The following MATCAP2 variants were observed in gnomAD, a reference collection of about 807,000 sequenced individuals.
The protein encoded by MATCAP2 is putative tyrosine carboxypeptidase MATCAP2.
chr7:36,388,889 T>G, the MATCAP2 span, among the ~76,000 whole-genome samples: 17 of 152,336 alleles, frequency 1.1e-4, no homozygotes, highest in African/African-American at 3.8e-4. Context: ...AAATTGTGCA[T>G]GAACGCTTCA....
the MATCAP2 span, among the ~76,000 whole-genome samples, chr7:36,370,806 G>T: frequency 6.6e-6 from 1 of 152,110 alleles, no homozygotes; most frequent in Non-Finnish European, 1.5e-5. Flanking sequence ...AATAATTTAT[G>T]TTTATCTTTA....
chr7:36,380,332 C>T, the MATCAP2 span, among the ~76,000 whole-genome samples: 1 of 152,086 alleles, frequency 6.6e-6, no homozygotes, highest in Admixed American at 6.6e-5. Flanking sequence ...GAAATGTGAT[C>T]GAGACTGTGA....
At chr7:36,357,689 C>T in the MATCAP2 span, 10 of 886,800 alleles carry the variant, frequency 1.1e-5, no homozygotes, top group Middle Eastern at 3.6e-4. Flanking sequence ...CTATAAACTT[C>T]GTAATTTTGC....
chr7:36,378,743 G>A, the MATCAP2 span, among the ~76,000 whole-genome samples: 1 of 152,178 alleles, frequency 6.6e-6, no homozygotes, highest in African/African-American at 2.4e-5. Flanking sequence ...CTTGAGCTGT[G>A]GTGGGCTCCA....
chr7:36,342,868 C>G, the MATCAP2 span, among the ~76,000 whole-genome samples: 1 of 152,166 alleles, frequency 6.6e-6, no homozygotes, highest in South Asian at 2.1e-4. Flanking sequence ...TCAGGCAATC[C>G]GCCTGCCTCC....
At chr7:36,324,716 T>C in the MATCAP2 span, 1 of 152,252 alleles carries the variant, frequency 6.6e-6, no homozygotes, top group Admixed American at 6.5e-5. Flanking sequence ...GGTTCACTGC[T>C]AACTTTTAAA....
chr7:36,353,442 G>T, the MATCAP2 span, among the ~76,000 whole-genome samples: 1 of 151,456 alleles, frequency 6.6e-6, no homozygotes, highest in Non-Finnish European at 1.5e-5. Flanking sequence ...AGAATAGAGG[G>T]GTTGCCAGAA....
the MATCAP2 span, chr7:36,336,086 T>A: frequency 5.2e-6 from 6 of 1,157,878 alleles, no homozygotes; most frequent in African/African-American, 3.3e-5. Context: ...ATAAAATAAA[T>A]AAAATAAAAT....
At chr7:36,357,382 G>C in the MATCAP2 span, 1 of 1,614,096 alleles carries the variant, frequency 6.2e-7, no homozygotes, top group Non-Finnish European at 8.5e-7. Context: ...TTTTGGAGTA[G>C]GTGGAGGAAG....
chr7:36,346,523 C>A, the MATCAP2 span, among the ~76,000 whole-genome samples: 1 of 152,286 alleles, frequency 6.6e-6, no homozygotes, highest in Admixed American at 6.5e-5. Context: ...AAGCCAGTCA[C>A]AAAGGACCAC....
At chr7:36,376,987 T>C in the MATCAP2 span, among the ~76,000 whole-genome samples, 30 of 152,322 alleles carry the variant, frequency 2.0e-4, 1 homozygote, top group Middle Eastern at 6.8e-3. Context: ...TTTGAGCCTA[T>C]GTTTGTCTCT....
the MATCAP2 span, chr7:36,390,168 T>C: frequency 1.3e-5 from 20 of 1,549,714 alleles, no homozygotes; most frequent in African/African-American, 2.6e-4. Context: ...GCGTGCGCAG[T>C]GTGTGCGGGC....
chr7:36,362,465 C>G, the MATCAP2 span, among the ~76,000 whole-genome samples: 5 of 152,192 alleles, frequency 3.3e-5, no homozygotes, highest in East Asian at 9.6e-4. Flanking sequence ...GTTAGAAATA[C>G]AGAGTAGTCT....
chr7:36,339,551 G>A, the MATCAP2 span, among the ~76,000 whole-genome samples: 2 of 152,176 alleles, frequency 1.3e-5, no homozygotes, highest in African/African-American at 2.4e-5. Flanking sequence ...TTTCAGAGAA[G>A]GGCAAATACA....
At chr7:36,332,939 T>C in the MATCAP2 span, among the ~76,000 whole-genome samples, 1 of 149,688 alleles carries the variant, frequency 6.7e-6, no homozygotes, top group Non-Finnish European at 1.5e-5. Context: ...AAAAAAAAAG[T>C]AGAGACTGCC....
the MATCAP2 span, among the ~76,000 whole-genome samples, chr7:36,335,480 T>C: frequency 6.6e-6 from 1 of 152,290 alleles, no homozygotes; most frequent in Middle Eastern, 3.4e-3. Context: ...CTGACTAAAC[T>C]GATGCAGAAG....
At chr7:36,337,098 C>CAAAAAAAAAAAA in the MATCAP2 span, among the ~76,000 whole-genome samples, 380 of 18,528 alleles carry the variant, frequency 0.021, 109 homozygotes, top group South Asian at 0.034. Context: ...AACTCCATCT[C>CAAAAAAAAAAAA]AAAAAAAAAA....
the MATCAP2 span, among the ~76,000 whole-genome samples, chr7:36,382,729 G>A: frequency 6.6e-6 from 1 of 152,254 alleles, no homozygotes; most frequent in South Asian, 2.1e-4. Context: ...TCCTGACCTC[G>A]TGATCCACCC....
chr7:36,353,737 TC>T, the MATCAP2 span, among the ~76,000 whole-genome samples: 1 of 152,166 alleles, frequency 6.6e-6, no homozygotes, highest in African/African-American at 2.4e-5. Context: ...TGCCTCGGAC[TC>T]CCAAAGTGCT....
Sources: gnomAD v4.1 joint callset for allele counts (sites outside exome capture counted in the v4.1 genomes callset) on GRCh38, gnomAD v4.1.1 for gene constraint, MANE v1.5 for transcripts, NCBI Gene and HGNC (gene_info 2026-07-23, HGNC 2026-07-21) for gene names.